DOCK3: variants seen among roughly 807,000 people sequenced by gnomAD.
DOCK3 encodes dedicator of cytokinesis protein 3.
Under a neutral mutation model 265.6 loss-of-function variants are expected in DOCK3, and 60 were observed. The observed-to-expected ratio is 0.23, with a 90% CI of 0.18 to 0.28. DOCK3 has a LOEUF of 0.28. Ranked by LOEUF, DOCK3 falls within the 10% of genes least tolerant of loss-of-function variation. The pLI is 1.00. For synonymous variants in DOCK3, 881 were observed against 938.0 expected, an observed-to-expected ratio of 0.94 and a Z score of 1.11; for missense variants, 1,981 against 2,594.3, an observed-to-expected ratio of 0.76 and a Z score of 5.14.
chr3:50,932,764 A>AT (rs570870782), intron 4 of DOCK3, among the ~76,000 whole-genome samples: 3 of 151,976 alleles, frequency 2.0e-5, no homozygotes, highest in Admixed American at 6.6e-5. Flanking sequence ...TCATGTCATG[A>AT]TTTTTTTGCA....
intron 3 of DOCK3, among the ~76,000 whole-genome samples, chr3:50,874,827 G>A (rs1370147979): frequency 6.6e-6 from 1 of 152,114 alleles, no homozygotes; most frequent in African/African-American, 2.4e-5. Flanking sequence ...TCAGTTCTAA[G>A]CTTTTTTGTG....
chr3:51,076,223 A>T (rs1436379822), intron 7 of DOCK3, among the ~76,000 whole-genome samples: 1 of 152,230 alleles, frequency 6.6e-6, no homozygotes, highest in Non-Finnish European at 1.5e-5. Flanking sequence ...GTGTGTACTT[A>T]CTAGCATACC....
chr3:50,852,915 A>G (rs2046410333), intron 3 of DOCK3, among the ~76,000 whole-genome samples: 1 of 152,198 alleles, frequency 6.6e-6, no homozygotes, highest in African/African-American at 2.4e-5. Context: ...GATATATCAT[A>G]GTTGTACATA....
At chr3:50,787,640 C>G in intron 2 of DOCK3, 1 of 1,291,702 alleles carries the variant, frequency 7.7e-7, no homozygotes. Flanking sequence ...GGTGGCTCTG[C>G]ACTCTTCCTG....
intron 2 of DOCK3, among the ~76,000 whole-genome samples, chr3:50,814,647 C>A (rs1412682276): frequency 6.6e-6 from 1 of 152,016 alleles, no homozygotes; most frequent in Admixed American, 6.6e-5. Context: ...TAATCCAGTC[C>A]AGGATGATAG....
At chr3:51,343,716 G>T (rs1427234192) in intron 38 of DOCK3, among the ~76,000 whole-genome samples, 1 of 152,192 alleles carries the variant, frequency 6.6e-6, no homozygotes, top group Non-Finnish European at 1.5e-5. Context: ...CATTGTTCCA[G>T]TACACCCCTC....
At chr3:51,309,479 C>T (rs2082928080) in intron 27 of DOCK3, among the ~76,000 whole-genome samples, 1 of 152,204 alleles carries the variant, frequency 6.6e-6, no homozygotes, top group African/African-American at 2.4e-5. Context: ...AGGCACTCGG[C>T]AGGCTGAGGC....
chr3:51,330,258 G>A (rs747129785), intron 33 of DOCK3, 35 bp downstream of exon 33: 1 of 1,559,350 alleles, frequency 6.4e-7, no homozygotes, highest in Non-Finnish European at 8.7e-7. Context: ...ACCACACTGG[G>A]GGATGGGATG....
chr3:51,234,476 C>T (rs940354592), intron 19 of DOCK3, among the ~76,000 whole-genome samples: 1 of 152,018 alleles, frequency 6.6e-6, no homozygotes, highest in African/African-American at 2.4e-5. Context: ...GTTTTTGTTG[C>T]CTTTGCTTTG....
In DOCK3 at chr3:50,939,425, C is replaced by T. The variant is rs149969436; in HGVS notation, c.315+5348C>T. On this transcript the variant is annotated intron_variant, in intron 5 of 52. Transcript: ENST00000266037. ...ATATCAAAATTAGACAAAGACAGTA[C>T]AAAAAGAAAAAAATCTGGAGTATCT... is the stretch of plus-strand genomic sequence containing the variant. 1.9e-3 allele frequency among the ~76,000 whole-genome samples: 288 copies of T among 151,690 alleles called. 2 individuals are homozygous for T. Among genetic ancestry groups the T allele is most frequent in the African/African-American group, 6.6e-3 (273 of 41,388 alleles).
At chr3:50,917,743 A>T (rs1227436716) in intron 4 of DOCK3, among the ~76,000 whole-genome samples, 1 of 151,654 alleles carries the variant, frequency 6.6e-6, no homozygotes, top group Non-Finnish European at 1.5e-5. Flanking sequence ...TTGTATTTTT[A>T]CGTAACTCTG....
intron 1 of DOCK3, among the ~76,000 whole-genome samples, chr3:50,776,204 A>G (rs1182731391): frequency 6.6e-6 from 1 of 152,206 alleles, no homozygotes; most frequent in Admixed American, 6.5e-5. Flanking sequence ...CACTCCCACC[A>G]GCAGTGTAAA....
At chr3:51,238,995 A>G (rs2108497360) in intron 21 of DOCK3, among the ~76,000 whole-genome samples, 1 of 152,320 alleles carries the variant, frequency 6.6e-6, no homozygotes, top group East Asian at 1.9e-4. Flanking sequence ...TTGCTGGGTC[A>G]AATGGTAGTT....
intron 7 of DOCK3, among the ~76,000 whole-genome samples, chr3:51,077,668 A>C (rs1004784097): frequency 3.9e-5 from 6 of 152,208 alleles, no homozygotes; most frequent in Non-Finnish European, 7.3e-5. Context: ...AATTATATAA[A>C]AGTGAAATGG....
chr3:50,835,976 C>G (rs1354252977), intron 2 of DOCK3, among the ~76,000 whole-genome samples: 1 of 152,206 alleles, frequency 6.6e-6, no homozygotes, highest in Non-Finnish European at 1.5e-5. Flanking sequence ...CCCCCCATAA[C>G]TGCCAATAGC....
At chr3:51,273,790 A>G (rs1409771470) in intron 24 of DOCK3, among the ~76,000 whole-genome samples, 1 of 152,246 alleles carries the variant, frequency 6.6e-6, no homozygotes, top group Non-Finnish European at 1.5e-5. Flanking sequence ...CTAAAATGCC[A>G]TGGCTTGTTT....
intron 2 of DOCK3, among the ~76,000 whole-genome samples, chr3:50,808,342 A>G (rs1321725984): frequency 1.3e-5 from 2 of 152,172 alleles, no homozygotes; most frequent in East Asian, 3.9e-4. Flanking sequence ...TTTTTTGGGT[A>G]TGGAAATTGA....
chr3:50,905,046 A>G (rs1282127379), intron 4 of DOCK3, among the ~76,000 whole-genome samples: 1 of 152,034 alleles, frequency 6.6e-6, no homozygotes, highest in African/African-American at 2.4e-5. Context: ...TGTTTTTCTC[A>G]GCTTTGTCAA....
chr3:51,288,903 G>GGT (rs146598674), intron 27 of DOCK3, among the ~76,000 whole-genome samples: 9,293 of 144,154 alleles, frequency 0.064, 862 homozygotes, highest in African/African-American at 0.21. Flanking sequence ...TGTGTGTGTG[G>GGT]GTGTGTGTGT....
Sources: allele counts gnomAD v4.1 joint callset (sites outside exome capture counted in the v4.1 genomes callset), GRCh38; gene constraint gnomAD v4.1.1; transcripts MANE v1.5; gene names NCBI Gene and HGNC (gene_info 2026-07-23, HGNC 2026-07-21).